Variants in SLC26A7 observed in about 807,000 individuals in gnomAD.
The protein encoded by SLC26A7 is anion exchange transporter.
Under a neutral mutation model 82.5 loss-of-function variants are expected in SLC26A7, and 59 were observed. The ratio of observed to expected loss-of-function variants is 0.72; its 90% CI spans 0.58 to 0.89. The LOEUF is 0.89. Ranked by LOEUF, SLC26A7 falls within the 40% of genes least tolerant of loss-of-function variation. The pLI is 0.00. For synonymous variants in SLC26A7, 271 were observed against 274.3 expected (o/e 0.99, Z 0.12); for missense variants, 820 against 793.0 (o/e 1.03, Z -0.41).
chr8:91,301,977 A>C (rs1003230669), intron 4 of SLC26A7, among the ~76,000 whole-genome samples: 11 of 152,066 alleles, frequency 7.2e-5, no homozygotes, highest in African/African-American at 2.7e-4. Flanking sequence ...AGATTAAGAG[A>C]AGAGTTTTTA....
At position 91,263,680 on chromosome 8, in the gene SLC26A7, G is replaced by A. The variant is rs77556477; in HGVS notation, c.193+13836G>A. ...TCCTATCACCTTTGCAAGGTTCCTC[G>A]TGTAAGACTTAAACAACACTACCCT... On this transcript the variant is annotated intron_variant, in intron 2 of 18. Coordinates refer to ENST00000276609, the MANE Select transcript of SLC26A7 (RefSeq NM_052832.4). Among the ~76,000 whole-genome samples the A allele has an allele frequency of 1.5e-3, 222 of 151,968 alleles. 4 individuals carry two copies. The East Asian group carries it at 0.036, about 24-fold the overall frequency.
rs150672924 is a variant in SLC26A7, at chr8:91,269,322, C to G, written c.193+19478C>G. ...CTTGTTTGTGTGGTAGTCTTGATCT[C>G]TCCTTCACATTTGAAGGTTAACTTC... On this transcript the variant is annotated intron_variant, in intron 2 of 18. Coordinates refer to ENST00000276609, the MANE Select transcript of SLC26A7 (RefSeq NM_052832.4). Among the ~76,000 whole-genome samples the G allele has an allele frequency of 4.7e-4, 72 of 152,170 alleles. No homozygotes were observed. In the East Asian group the frequency reaches 0.01, roughly 22 times the overall value.
chr8:91,302,934 T>G (rs556192165), intron 4 of SLC26A7, among the ~76,000 whole-genome samples: 1 of 151,950 alleles, frequency 6.6e-6, no homozygotes, highest in Non-Finnish European at 1.5e-5. Context: ...TTAGGACTCA[T>G]GCAATTTCTG....
chr8:91,271,602 T>TC (rs1378618807), intron 2 of SLC26A7, among the ~76,000 whole-genome samples: 2 of 148,638 alleles, frequency 1.3e-5, no homozygotes, highest in African/African-American at 5.0e-5. Context: ...TTTTTTTTTT[T>TC]TTTTTTTTTT....
intron 6 of SLC26A7, among the ~76,000 whole-genome samples, chr8:91,335,075 GCA>G (rs1337244452): frequency 2.4e-4 from 37 of 152,166 alleles, no homozygotes; most frequent in African/African-American, 8.7e-4. Context: ...ACTATACAAA[GCA>G]TTAAGTTGAA....
chr8:91,362,578 A>C, intron 12 of SLC26A7, 119 bp downstream of exon 12: 3 of 645,770 alleles, frequency 4.6e-6, no homozygotes, highest in Non-Finnish European at 7.8e-6. Flanking sequence ...CTACAATCTC[A>C]TGTTTTTCTT....
At position 91,375,814 on chromosome 8, in the gene SLC26A7, T is replaced by C. The variant is rs114887723; in HGVS notation, c.1675+5981T>C. On this transcript the variant is annotated intron_variant, in intron 15 of 18. Coordinates refer to ENST00000276609, the MANE Select transcript of SLC26A7 (RefSeq NM_052832.4). Reference sequence around the variant, plus strand: ...ATAAAAGACATTTCTCTGAATTATTTGCTAAAATGTGTTTTTCAAATTGCT... The same window carrying C: ...ATAAAAGACATTTCTCTGAATTATTCGCTAAAATGTGTTTTTCAAATTGCT... Among the ~76,000 whole-genome samples the C allele has an allele frequency of 1.6e-3, 251 of 152,240 alleles. 1 individual carries two copies. Among genetic ancestry groups the C allele is most frequent in the African/African-American group, 5.3e-3 (221 of 41,580 alleles).
chr8:91,322,856 C>A (rs1435672613), intron 5 of SLC26A7, among the ~76,000 whole-genome samples: 11 of 152,124 alleles, frequency 7.2e-5, no homozygotes, highest in Non-Finnish European at 1.2e-4. Context: ...AACTGGAAAG[C>A]AGTTTAATTC....
chr8:91,221,682 G>C (rs1810162641), intron 2 of SLC26A7, among the ~76,000 whole-genome samples: 1 of 152,048 alleles, frequency 6.6e-6, no homozygotes, highest in Non-Finnish European at 1.5e-5. Flanking sequence ...GATGGTTGTA[G>C]ATGTGTGGTA....
At chr8:91,336,338 G>A (rs7842574) in intron 6 of SLC26A7, among the ~76,000 whole-genome samples, 2,760 of 152,182 alleles carry the variant, frequency 0.018, 90 homozygotes, top group African/African-American at 0.063. Context: ...CAGAAGGTGA[G>A]CATTATTGCC....
At chr8:91,317,919 T>C (rs1812683223) in intron 4 of SLC26A7, among the ~76,000 whole-genome samples, 1 of 145,074 alleles carries the variant, frequency 6.9e-6, no homozygotes, top group Non-Finnish European at 1.5e-5. Context: ...TAACGTTTTC[T>C]AGAACTTAAA....
At chr8:91,279,125 GTATA>G (rs55869816) in intron 2 of SLC26A7, among the ~76,000 whole-genome samples, 10,518 of 110,532 alleles carry the variant, frequency 0.095, 447 homozygotes, top group Non-Finnish European at 0.12. Flanking sequence ...GTGTGTGTGT[GTATA>G]TATATATATA....
intron 2 of SLC26A7, among the ~76,000 whole-genome samples, chr8:91,273,626 A>G (rs1338499826): frequency 6.6e-6 from 1 of 152,182 alleles, no homozygotes; most frequent in African/African-American, 2.4e-5. Flanking sequence ...TAAGAATATA[A>G]CACTGGAAAA....
chr8:91,289,071 T>C, intron 2 of SLC26A7, 65 bp from the exon 3 acceptor site: 1 of 1,032,822 alleles, frequency 9.7e-7, no homozygotes, highest in East Asian at 2.4e-5. Context: ...ATACCTATTC[T>C]TTTGTGTAAC....
intron 4 of SLC26A7, among the ~76,000 whole-genome samples, chr8:91,307,872 AT>A (rs144982867): frequency 1.3e-5 from 2 of 151,998 alleles, no homozygotes; most frequent in South Asian, 2.1e-4. Flanking sequence ...CAATTTTTAA[AT>A]TTTTTTGTAG....
intron 2 of SLC26A7, among the ~76,000 whole-genome samples, chr8:91,233,094 G>C (rs1296522810): frequency 6.6e-6 from 1 of 152,126 alleles, no homozygotes; most frequent in Non-Finnish European, 1.5e-5. Flanking sequence ...TGTGCTTTTT[G>C]ATATCCTGGT....
intron 16 of SLC26A7, among the ~76,000 whole-genome samples, chr8:91,392,096 A>G (rs1327675109): frequency 3.3e-5 from 5 of 152,216 alleles, no homozygotes; most frequent in African/African-American, 1.2e-4. Flanking sequence ...GAATGACAGG[A>G]TCAATCAACT....
intron 2 of SLC26A7, among the ~76,000 whole-genome samples, chr8:91,255,583 A>C: frequency 6.6e-6 from 1 of 152,112 alleles, no homozygotes; most frequent in East Asian, 1.9e-4. Flanking sequence ...ATGAGTCTAA[A>C]GTATATTTTC....
intron 2 of SLC26A7, among the ~76,000 whole-genome samples, chr8:91,227,231 G>T (rs1417947867): frequency 6.6e-6 from 1 of 152,166 alleles, no homozygotes; most frequent in Non-Finnish European, 1.5e-5. Context: ...AAAGCAACTG[G>T]AGAAATAACT....
Sources: gnomAD v4.1 joint callset for allele counts (sites outside exome capture counted in the v4.1 genomes callset) on GRCh38, gnomAD v4.1.1 for gene constraint, MANE v1.5 for transcripts, NCBI Gene and HGNC (gene_info 2026-07-23, HGNC 2026-07-21) for gene names.